NAV2: variants seen among roughly 807,000 people sequenced by gnomAD.
NAV2 encodes helicase, APC down-regulated 1.
Under a neutral mutation model 223.2 loss-of-function variants are expected in NAV2, and 54 were observed. That is an observed-to-expected ratio of 0.24 (90% CI 0.19 to 0.30). The LOEUF is 0.30. Among genes scored for constraint, NAV2 ranks in the 10% least tolerant of loss-of-function variants. The pLI is 1.00. For synonymous variants in NAV2, 1,279 were observed against 1,239.3 expected, an observed-to-expected ratio of 1.03 and a Z score of -0.67; for missense variants, 2,806 against 3,147.5, an observed-to-expected ratio of 0.89 and a Z score of 2.60.
intron 6 of NAV2, among the ~76,000 whole-genome samples, chr11:19,899,200 C>T (rs7930686): frequency 0.19 from 28,752 of 152,126 alleles, 3,416 homozygotes; most frequent in East Asian, 0.46. Flanking sequence ...TTTGTTCACT[C>T]CTTGTCATGA....
At chr11:20,029,461 T>C (rs1284001655) in intron 11 of NAV2, among the ~76,000 whole-genome samples, 3 of 152,184 alleles carry the variant, frequency 2.0e-5, no homozygotes, top group Admixed American at 2.0e-4. Flanking sequence ...TTAGGAGATA[T>C]GGGAGGCTAT....
intron 1 of NAV2, among the ~76,000 whole-genome samples, chr11:19,685,874 T>C (rs2049009263): frequency 6.6e-6 from 1 of 152,186 alleles, no homozygotes; most frequent in South Asian, 2.1e-4. Context: ...CAAGAGGTGC[T>C]TTTGGACTTA....
At chr11:19,845,111 G>A (rs1330978128) in intron 3 of NAV2, among the ~76,000 whole-genome samples, 1 of 152,182 alleles carries the variant, frequency 6.6e-6, no homozygotes, top group Non-Finnish European at 1.5e-5. Flanking sequence ...CACACAGGAA[G>A]TTCTTTCGAT....
intron 1 of NAV2, among the ~76,000 whole-genome samples, chr11:19,753,210 C>T (rs1240860727): frequency 1.3e-5 from 2 of 152,166 alleles, no homozygotes; most frequent in Non-Finnish European, 1.5e-5. Flanking sequence ...AAGACACTCC[C>T]CACTTCATGA....
chr11:19,628,767 TA>T (rs1234124307), intron 1 of NAV2, among the ~76,000 whole-genome samples: 1 of 152,202 alleles, frequency 6.6e-6, no homozygotes, highest in African/African-American at 2.4e-5. Flanking sequence ...CATGCACATA[TA>T]ATTATACTCA....
intron 1 of NAV2, among the ~76,000 whole-genome samples, chr11:19,719,180 G>T (rs552695785): frequency 6.6e-6 from 1 of 152,308 alleles, no homozygotes; most frequent in Admixed American, 6.5e-5. Flanking sequence ...GAAATTCTTA[G>T]TTCTCAGAAT....
At chr11:20,080,531 G>A (rs1046704603) in intron 25 of NAV2, among the ~76,000 whole-genome samples, 5 of 150,906 alleles carry the variant, frequency 3.3e-5, no homozygotes, top group Non-Finnish European at 7.4e-5. Context: ...GGTACTAGAG[G>A]AAAGTTATTC....
chr11:19,922,190 C>T (rs1268870912), intron 6 of NAV2, among the ~76,000 whole-genome samples: 1 of 152,104 alleles, frequency 6.6e-6, no homozygotes, highest in Non-Finnish European at 1.5e-5. Flanking sequence ...TCTCACTGTC[C>T]AGACACTCTT....
At chr11:19,953,244 T>C (rs1311601464) in intron 10 of NAV2, among the ~76,000 whole-genome samples, 1 of 152,208 alleles carries the variant, frequency 6.6e-6, no homozygotes. Flanking sequence ...CATCAGAAGT[T>C]TCTCCCTCTC....
At chr11:19,956,221 T>C (rs1432549740) in intron 10 of NAV2, among the ~76,000 whole-genome samples, 2 of 152,026 alleles carry the variant, frequency 1.3e-5, no homozygotes, top group Non-Finnish European at 2.9e-5. Context: ...AATATGTGGG[T>C]TGCTTTCCCC....
intron 1 of NAV2, among the ~76,000 whole-genome samples, chr11:19,654,725 T>C (rs1388713456): frequency 6.6e-6 from 1 of 152,184 alleles, no homozygotes; most frequent in Non-Finnish European, 1.5e-5. Flanking sequence ...CCTTACGCCT[T>C]ATACAAAAAT....
At chr11:19,757,304 G>T (rs1565263517) in intron 1 of NAV2, among the ~76,000 whole-genome samples, 1 of 152,132 alleles carries the variant, frequency 6.6e-6, no homozygotes, top group Non-Finnish European at 1.5e-5. Flanking sequence ...CTCAACGCGT[G>T]TGTGGAGGCC....
chr11:20,038,656 A>C (rs1286653443), intron 12 of NAV2, among the ~76,000 whole-genome samples: 1 of 152,188 alleles, frequency 6.6e-6, no homozygotes, highest in African/African-American at 2.4e-5. Context: ...TGCGCCTTCT[A>C]TGCTGTGGCT....
chr11:19,769,094 G>A (rs886962386), intron 1 of NAV2, among the ~76,000 whole-genome samples: 1 of 152,190 alleles, frequency 6.6e-6, no homozygotes, highest in African/African-American at 2.4e-5. Context: ...TTAGTTCACA[G>A]AGCAGTTCTA....
At chr11:19,492,976 C>T (rs77051755) in intron 1 of NAV2, among the ~76,000 whole-genome samples, 2 of 152,194 alleles carry the variant, frequency 1.3e-5, no homozygotes, top group African/African-American at 4.8e-5. Flanking sequence ...GTCTCTATCA[C>T]TGGAGCACCT....
At chr11:20,007,748 C>T (rs187313051) in intron 11 of NAV2, among the ~76,000 whole-genome samples, 166 of 152,238 alleles carry the variant, frequency 1.1e-3, no homozygotes, top group South Asian at 2.1e-3. Flanking sequence ...TCAGCAGCTG[C>T]AATGGGAGAA....
At chr11:19,362,098 G>A (rs1590051993) in intron 1 of NAV2, among the ~76,000 whole-genome samples, 1 of 152,168 alleles carries the variant, frequency 6.6e-6, no homozygotes, top group East Asian at 1.9e-4. Flanking sequence ...GCAGGTGCAG[G>A]TATACACTGT....
At chr11:19,875,249 A>C (rs1220336064) in intron 4 of NAV2, among the ~76,000 whole-genome samples, 2 of 152,202 alleles carry the variant, frequency 1.3e-5, no homozygotes, top group African/African-American at 4.8e-5. Flanking sequence ...TAAGTTGAAA[A>C]TAAATGCATT....
At chr11:19,978,944 C>G (rs2050053915) in intron 10 of NAV2, 1 of 152,218 alleles carries the variant, frequency 6.6e-6, no homozygotes, top group Non-Finnish European at 1.5e-5. Context: ...GGGAAGAAAT[C>G]TGTTTACTAA....
Sources: gnomAD v4.1 joint callset for allele counts (sites outside exome capture counted in the v4.1 genomes callset) on GRCh38, gnomAD v4.1.1 for gene constraint, MANE v1.5 for transcripts, NCBI Gene and HGNC (gene_info 2026-07-23, HGNC 2026-07-21) for gene names.